Variants in FRYL observed in about 807,000 individuals in gnomAD.
The protein encoded by FRYL is FRY like transcription coactivator, also known as protein furry homolog-like.
In FRYL, 150 loss-of-function variants were observed where a neutral mutation model predicts 351.2. The ratio of observed to expected loss-of-function variants is 0.43; its 90% CI spans 0.37 to 0.49. FRYL has a LOEUF of 0.49. FRYL is among the 20% of genes least tolerant of loss of function. The pLI, the probability that FRYL is intolerant of heterozygous loss-of-function variation, is 0.00. For missense variants in FRYL, 3,036 were observed against 3,619.3 expected (o/e 0.84, Z 4.13); for synonymous variants, 1,153 against 1,257.1 (o/e 0.92, Z 1.75).
At chr4:48,667,477 CATA>C (rs1463046070) in intron 3 of FRYL, among the ~76,000 whole-genome samples, 3 of 147,890 alleles carry the variant, frequency 2.0e-5, no homozygotes, top group African/African-American at 7.4e-5. Flanking sequence ...AATCATTTAT[CATA>C]ATCTCTTAAA....
At chr4:48,537,638 T>C (rs1729184701) in intron 47 of FRYL, among the ~76,000 whole-genome samples, 1 of 152,208 alleles carries the variant, frequency 6.6e-6, no homozygotes. Context: ...TTGTGTGCTG[T>C]CCAACAGGAA....
intron 2 of FRYL, among the ~76,000 whole-genome samples, chr4:48,691,736 C>A (rs540960142): frequency 6.6e-6 from 1 of 152,238 alleles, no homozygotes; most frequent in South Asian, 2.1e-4. Context: ...AATTCTAACA[C>A]CTAGAGGTAG....
chr4:48,554,786 C>T (rs1379693726), intron 35 of FRYL, among the ~76,000 whole-genome samples: 3 of 152,290 alleles, frequency 2.0e-5, no homozygotes, highest in Admixed American at 6.5e-5. Flanking sequence ...GGGTTCCTTC[C>T]GCCTGACTGT....
At chr4:48,670,182 C>T (rs1762421508) in intron 3 of FRYL, among the ~76,000 whole-genome samples, 1 of 151,828 alleles carries the variant, frequency 6.6e-6, no homozygotes, top group African/African-American at 2.4e-5. Flanking sequence ...GCCTGTAATC[C>T]CAGCACTTTG....
In FRYL at chr4:48,515,149, G is replaced by C; in HGVS notation, c.7816C>G (p.Pro2606Ala). The change falls in exon 56 of 64, where the codon CCA becomes GCA. Residue 2606 changes from proline (P) to alanine (A), a missense_variant. Coordinates refer to ENST00000358350, the MANE Select transcript of FRYL (RefSeq NM_015030.2). ...GILDLEETEM[P>A]EPLAPESYPE... ...TAACTTTCAGGAGCTAGAGGCTCTG[G>C]CATTTCAGTTTCTTCTAAATCAAGA... is the stretch of plus-strand genomic sequence containing the variant. 6.2e-7 allele frequency: 1 copy of C among 1,613,950 alleles called. No individual in the cohort carries two copies. The highest frequency in any genetic ancestry group is 8.5e-7 in the Non-Finnish European group (1 of 1,179,900).
intron 1 of FRYL, among the ~76,000 whole-genome samples, chr4:48,739,551 C>T (rs1771821227): frequency 6.6e-6 from 1 of 151,706 alleles, no homozygotes; most frequent in African/African-American, 2.4e-5. Context: ...AGACCTTAAA[C>T]TCACCACAAA....
At chr4:48,714,519 T>C (rs1188282058) in intron 1 of FRYL, among the ~76,000 whole-genome samples, 2 of 149,376 alleles carry the variant, frequency 1.3e-5, no homozygotes, top group Non-Finnish European at 1.5e-5. Flanking sequence ...CTAGAAAATC[T>C]AGAAGAAATG....
Position 48,535,725 on chromosome 4 carries a change from C to T in FRYL, c.6496G>A (p.Val2166Ile). The part of the protein sequence containing the change: ...YSRDCSNWIN[V>I]VCRYLHDSFS... Reference sequence around the variant, plus strand: ...GAGTCATGCAGGTATCTGCACACGACATTGATCCAGTTAGAACAGTCTCTG... The same window carrying T: ...GAGTCATGCAGGTATCTGCACACGATATTGATCCAGTTAGAACAGTCTCTG... Residue 2166 changes from valine (V) to isoleucine (I), a missense_variant, in exon 48 of 64, where the codon GTC (valine) becomes ATC (isoleucine). Physicochemically the swap from Val to Ile is conservative, Grantham distance 29. This residue lies in a region of FRYL where 1,987 missense variants were observed against 2,311.7 expected (regional missense o/e 0.86). Transcript: ENST00000358350. The T allele has an allele frequency of 6.2e-7, 1 of 1,610,548 alleles. No homozygotes were observed. The highest frequency in any genetic ancestry group is 8.5e-7 in the Non-Finnish European group (1 of 1,177,962).
chr4:48,605,998 G>C (rs1405508842), intron 10 of FRYL, among the ~76,000 whole-genome samples, 165 bp from the exon 11 acceptor site: 1 of 148,892 alleles, frequency 6.7e-6, no homozygotes, highest in Admixed American at 6.8e-5. Flanking sequence ...GCTCACACCT[G>C]TAATCCCACC....
chr4:48,551,125 C>T (rs1478460160), intron 37 of FRYL, among the ~76,000 whole-genome samples: 2 of 151,412 alleles, frequency 1.3e-5, no homozygotes, highest in Non-Finnish European at 2.9e-5. Context: ...CTATGACGTA[C>T]ATTAATTTCC....
At chr4:48,637,106 A>C (rs1258495690) in intron 3 of FRYL, 1 of 152,128 alleles carries the variant, frequency 6.6e-6, no homozygotes, top group African/African-American at 2.4e-5. Flanking sequence ...CTACACACAA[A>C]GCTGTGATGA....
intron 1 of FRYL, among the ~76,000 whole-genome samples, chr4:48,737,943 GA>G (rs1473056641): frequency 2.0e-5 from 3 of 152,084 alleles, no homozygotes; most frequent in African/African-American, 7.2e-5. Context: ...AGTAAATTTA[GA>G]GAGAAATTTC....
intron 2 of FRYL, among the ~76,000 whole-genome samples, chr4:48,705,606 G>T (rs1159190529): frequency 6.9e-6 from 1 of 145,648 alleles, no homozygotes; most frequent in Non-Finnish European, 1.5e-5. Flanking sequence ...ATACGGAGAA[G>T]AAAACAGAAT....
chr4:48,527,415 C>G (rs1726499648), intron 53 of FRYL, 62 bp downstream of exon 53: 1 of 1,370,020 alleles, frequency 7.3e-7, no homozygotes, highest in Non-Finnish European at 1.0e-6. Context: ...ATCCTGTGAT[C>G]AAATCCTTAA....
intron 19 of FRYL, among the ~76,000 whole-genome samples, chr4:48,586,223 G>T (rs1273077441): frequency 6.6e-6 from 1 of 152,040 alleles, no homozygotes; most frequent in African/African-American, 2.4e-5. Flanking sequence ...GCACAAATGA[G>T]ACCTGATTAC....
At chr4:48,734,169 C>T (rs1285235070) in intron 1 of FRYL, among the ~76,000 whole-genome samples, 1 of 152,108 alleles carries the variant, frequency 6.6e-6, no homozygotes, top group Non-Finnish European at 1.5e-5. Context: ...AAGAAACTCA[C>T]TTTCAATATA....
chr4:48,552,582 G>A (rs766249269), intron 36 of FRYL, among the ~76,000 whole-genome samples: 2 of 151,856 alleles, frequency 1.3e-5, no homozygotes, highest in Admixed American at 1.3e-4. Context: ...TATTGGATAC[G>A]AAACAACAGT....
rs150945757 is a variant in FRYL, at chr4:48,632,702, A to G, written c.120+1589T>C. On this transcript the variant is annotated intron_variant, in intron 4 of 63. Transcript: ENST00000358350. ...ACATCTGCACAGTTTTGAAATATACATTTGGCTATTATTATGTATCAGATC... is the reference window on the plus strand; with the variant it reads ...ACATCTGCACAGTTTTGAAATATACGTTTGGCTATTATTATGTATCAGATC... 6.3e-4 allele frequency among the ~76,000 whole-genome samples: 96 copies of G among 152,232 alleles called. 1 individual carries two copies. The highest frequency in any genetic ancestry group is 2.2e-3 in the African/African-American group (92 of 41,538).
At chr4:48,701,858 C>T (rs920304385) in intron 2 of FRYL, among the ~76,000 whole-genome samples, 13 of 152,034 alleles carry the variant, frequency 8.6e-5, no homozygotes, top group Non-Finnish European at 1.8e-4. Flanking sequence ...ATGCCATTAC[C>T]CCCAGTAAGT....
Sources: allele counts gnomAD v4.1 joint callset (sites outside exome capture counted in the v4.1 genomes callset), GRCh38; gene constraint gnomAD v4.1.1; regional missense constraint gnomAD v4.1.1; transcripts MANE v1.5; gene names NCBI Gene and HGNC (gene_info 2026-07-23, HGNC 2026-07-21).